Variants in TCERG1L observed in about 807,000 individuals in gnomAD.
TCERG1L encodes transcription elongation regulator 1-like protein.
In TCERG1L, 37 loss-of-function variants were observed where a neutral mutation model predicts 56.3. The observed-to-expected ratio is 0.66, with a 90% CI of 0.51 to 0.87. TCERG1L has a LOEUF of 0.87. Ranked by LOEUF, TCERG1L falls within the 40% of genes least tolerant of loss-of-function variation. The pLI, the probability that TCERG1L is intolerant of heterozygous loss-of-function variation, is 0.00. For missense variants in TCERG1L, 799 were observed against 774.2 expected, an observed-to-expected ratio of 1.03 and a Z score of -0.38; for synonymous variants, 324 against 326.3, an observed-to-expected ratio of 0.99 and a Z score of 0.08.
intron 4 of TCERG1L, among the ~76,000 whole-genome samples, chr10:131,253,126 C>G (rs922583052): frequency 6.6e-6 from 1 of 152,222 alleles, no homozygotes; most frequent in East Asian, 1.9e-4. Context: ...GCCTGCCAGG[C>G]GGACCCAGCT....
Position 131,260,823 on chromosome 10 carries a change from C to A in TCERG1L, c.671-379G>T, listed in dbSNP as rs965187111. ...AGCACTCAGTGATTTGGAGCAGAAA[C>A]CGGTGAAGGCCCAGGAGTGCCACAT... On this transcript the variant is annotated intron_variant, in intron 3 of 11. Transcript: ENST00000368642. This position sits in a 1 kb window ranked among gnomAD's most constrained non-coding sequence, Gnocchi z 5.8. Among the ~76,000 whole-genome samples, 8 of 152,130 alleles carry A rather than the reference C, an allele frequency of 5.3e-5. No homozygotes were observed. Among genetic ancestry groups the A allele is most frequent in the Admixed American group, 5.2e-4 (8 of 15,278 alleles).
chr10:131,244,548 G>T (rs1361338076), intron 4 of TCERG1L, among the ~76,000 whole-genome samples: 1 of 152,128 alleles, frequency 6.6e-6, no homozygotes, highest in Non-Finnish European at 1.5e-5. Flanking sequence ...AGGTGGAGGG[G>T]ACAGTTAGAG....
intron 4 of TCERG1L, among the ~76,000 whole-genome samples, chr10:131,174,202 G>A (rs937360939): frequency 2.0e-5 from 3 of 152,190 alleles, no homozygotes; most frequent in African/African-American, 2.4e-5. Context: ...GCCTGCTGCC[G>A]CCTCAGGAGG....
intron 3 of TCERG1L, among the ~76,000 whole-genome samples, chr10:131,264,474 C>T (rs1269445562): frequency 1.3e-5 from 2 of 152,184 alleles, no homozygotes; most frequent in East Asian, 3.9e-4. Flanking sequence ...CCTGAGGAGT[C>T]GGGCTCCTGG....
At chr10:131,135,492 GT>G in intron 7 of TCERG1L, among the ~76,000 whole-genome samples, 1 of 152,344 alleles carries the variant, frequency 6.6e-6, no homozygotes, top group African/African-American at 2.4e-5. Context: ...CCCTACACCT[GT>G]TTTTAGAATC....
At chr10:131,204,563 C>T (rs146967115) in intron 4 of TCERG1L, among the ~76,000 whole-genome samples, 2 of 152,348 alleles carry the variant, frequency 1.3e-5, no homozygotes, top group African/African-American at 2.4e-5. Flanking sequence ...TTCCCAGCAG[C>T]GGTGGCCACA....
At chr10:131,165,954 A>T (rs886185536) in intron 5 of TCERG1L, among the ~76,000 whole-genome samples, 2 of 152,356 alleles carry the variant, frequency 1.3e-5, no homozygotes, top group African/African-American at 4.8e-5. Context: ...CTATCTGTGT[A>T]ATTAATATGT....
At chr10:131,230,742 C>T (rs1845841326) in intron 4 of TCERG1L, among the ~76,000 whole-genome samples, 1 of 152,174 alleles carries the variant, frequency 6.6e-6, no homozygotes, top group South Asian at 2.1e-4. Context: ...CCACGCATGG[C>T]TACTCACAGC....
At chr10:131,269,840 A>C (rs1846320928) in intron 3 of TCERG1L, among the ~76,000 whole-genome samples, 1 of 152,186 alleles carries the variant, frequency 6.6e-6, no homozygotes, top group African/African-American at 2.4e-5. Context: ...AACTTGTAAA[A>C]ACACACTATC....
intron 4 of TCERG1L, among the ~76,000 whole-genome samples, chr10:131,251,420 C>A (rs543341428): frequency 6.6e-6 from 1 of 152,108 alleles, no homozygotes; most frequent in Non-Finnish European, 1.5e-5. Flanking sequence ...CCTGCTCTCT[C>A]CTGCTCTCTG....
At chr10:131,275,756 A>C (rs113925151) in intron 3 of TCERG1L, among the ~76,000 whole-genome samples, 2,256 of 152,322 alleles carry the variant, frequency 0.015, 51 homozygotes, top group African/African-American at 0.05. Context: ...AAAAGGAAGA[A>C]TGGATGGTTT....
At chr10:131,142,740 C>T (rs1053254132) in intron 7 of TCERG1L, among the ~76,000 whole-genome samples, 1 of 152,176 alleles carries the variant, frequency 6.6e-6, no homozygotes, top group Non-Finnish European at 1.5e-5. Context: ...GTCAGATAAG[C>T]TCCTTTTTAA....
rs372178340 is a variant in TCERG1L at position 131,195,469 on chromosome 10, C to T, written c.857-28584G>A. Among the ~76,000 whole-genome samples the T allele has an allele frequency of 5.3e-4, 81 of 152,342 alleles. No homozygotes were observed. The Middle Eastern group carries it at 0.017, about 32-fold the overall frequency. ...GCTTTTCAAGGCTGACGGCTATCCA[C>T]AGCAGGCCACAGCAGGCCAGCTTAT... is the stretch of plus-strand genomic sequence containing the variant. On this transcript the variant is annotated intron_variant, in intron 4 of 11. Transcript: ENST00000368642.
At chr10:131,142,956 G>A (rs1891801) in intron 7 of TCERG1L, among the ~76,000 whole-genome samples, 124,795 of 152,050 alleles carry the variant, frequency 0.82, 52,696 homozygotes, top group Non-Finnish European at 0.92. Flanking sequence ...TTCAGAGTGG[G>A]AGCGGGAGGC....
At chr10:131,261,351 C>T (rs1262513649) in intron 3 of TCERG1L, among the ~76,000 whole-genome samples, 2 of 152,194 alleles carry the variant, frequency 1.3e-5, no homozygotes, top group Non-Finnish European at 2.9e-5. Flanking sequence ...TTTCTAAAAC[C>T]TTGATATAAT....
chr10:131,104,448 C>A, intron 9 of TCERG1L, 94 bp from the exon 10 acceptor site: 2 of 782,816 alleles, frequency 2.6e-6, no homozygotes, highest in Non-Finnish European at 4.3e-6. Flanking sequence ...AAATGAACAA[C>A]AAAAACCAGC....
intron 3 of TCERG1L, among the ~76,000 whole-genome samples, chr10:131,264,092 C>A (rs1185649423): frequency 2.0e-5 from 3 of 150,788 alleles, no homozygotes; most frequent in African/African-American, 7.3e-5. Context: ...CTGATAACAT[C>A]CCCCTGCACT....
chr10:131,112,808 G>A (rs73392600), intron 9 of TCERG1L, among the ~76,000 whole-genome samples: 5,707 of 142,598 alleles, frequency 0.04, 900 homozygotes, highest in Non-Finnish European at 0.044. Context: ...AGGGTGGGCC[G>A]TGGGGTGAGG....
chr10:131,133,480 C>A (rs1278222538), intron 8 of TCERG1L, among the ~76,000 whole-genome samples: 1 of 152,088 alleles, frequency 6.6e-6, no homozygotes, highest in African/African-American at 2.4e-5. Flanking sequence ...GTGGCAGGAC[C>A]CAGGGTCCAG....
Sources: gnomAD v4.1 joint callset for allele counts (sites outside exome capture counted in the v4.1 genomes callset) on GRCh38, gnomAD v4.1.1 for gene constraint, Gnocchi (gnomAD v3.1) non-coding constraint, MANE v1.5 for transcripts, NCBI Gene and HGNC (gene_info 2026-07-23, HGNC 2026-07-21) for gene names.